The following IL18R1 variants were observed in gnomAD, a reference collection of about 807,000 sequenced individuals.
IL18R1 encodes interleukin 18 receptor 1.
Under a neutral mutation model 48.5 loss-of-function variants are expected in IL18R1, and 40 were observed. The ratio of observed to expected loss-of-function variants is 0.82; its 90% CI spans 0.64 to 1.07. The LOEUF is 1.07. Among genes scored for constraint, IL18R1 ranks in the 50% least tolerant of loss-of-function variants. The pLI is 0.00. For missense variants in IL18R1, 596 were observed against 633.7 expected (o/e 0.94, Z 0.64); for synonymous variants, 232 against 225.9 (o/e 1.03, Z -0.24).
chr2:102,367,306 T>G (rs1308434242), intron 2 of IL18R1, among the ~76,000 whole-genome samples: 2 of 152,188 alleles, frequency 1.3e-5, no homozygotes, highest in African/African-American at 4.8e-5. Flanking sequence ...TAGGCACACT[T>G]TTAACCATCC....
intron 2 of IL18R1, among the ~76,000 whole-genome samples, chr2:102,366,005 T>C (rs865863860): frequency 1.3e-5 from 2 of 152,354 alleles, no homozygotes; most frequent in South Asian, 4.1e-4. Flanking sequence ...TGGGAGGGTC[T>C]CTCATGAAGA....
intron 1 of IL18R1, among the ~76,000 whole-genome samples, chr2:102,360,876 C>G (rs1678536839): frequency 6.6e-6 from 1 of 152,112 alleles, no homozygotes. Context: ...ATCAGAATAT[C>G]TCTTTTTCTG....
chr2:102,356,425 C>G, intron 1 of IL18R1, 25 bp downstream of exon 1: 8 of 741,178 alleles, frequency 1.1e-5, no homozygotes, highest in Non-Finnish European at 1.3e-5. Flanking sequence ...CGCTGCCACC[C>G]GCATCCCCTC....
rs753402569 is a variant in IL18R1, at chr2:102,394,630, A to G, written c.1270+3A>G. Reference sequence around the variant, plus strand: ...AAGGGATGTAGTGCCTGGAGGAGGTAAGAGGGAATGCCAGATAGAAAAATA... The same window carrying G: ...AAGGGATGTAGTGCCTGGAGGAGGTGAGAGGGAATGCCAGATAGAAAAATA... On this transcript the variant is annotated splice_donor_region_variant and intron_variant, in intron 10 of 10. Transcript: ENST00000233957. The G allele has an allele frequency of 2.5e-6, 4 of 1,593,480 alleles. No homozygotes were observed. The highest frequency in any genetic ancestry group is 3.4e-6 in the Non-Finnish European group (4 of 1,166,532).
At chr2:102,359,242 A>C (rs1678437027) in intron 1 of IL18R1, among the ~76,000 whole-genome samples, 1 of 152,216 alleles carries the variant, frequency 6.6e-6, no homozygotes. Flanking sequence ...GTCAATCAAG[A>C]AAATTAATTG....
intron 9 of IL18R1, among the ~76,000 whole-genome samples, chr2:102,391,841 C>A (rs190138389): frequency 6.6e-6 from 1 of 152,322 alleles, no homozygotes; most frequent in Non-Finnish European, 1.5e-5. Context: ...GCATAAGGCT[C>A]AGCTGTATTT....
intron 8 of IL18R1, 117 bp downstream of exon 8, chr2:102,387,117 T>A: frequency 9.5e-7 from 1 of 1,050,796 alleles, no homozygotes; most frequent in East Asian, 2.4e-5. Flanking sequence ...AGAGGGGAAA[T>A]CAGTCACCTC....
intron 1 of IL18R1, among the ~76,000 whole-genome samples, chr2:102,357,156 C>T (rs1324827947): frequency 6.6e-6 from 1 of 152,050 alleles, no homozygotes; most frequent in African/African-American, 2.4e-5. Context: ...CAGTGTTTTC[C>T]CTCTCCCTGC....
intron 5 of IL18R1, among the ~76,000 whole-genome samples, chr2:102,379,934 C>T (rs776347337): frequency 3.9e-5 from 6 of 152,138 alleles, no homozygotes; most frequent in Admixed American, 6.6e-5. Context: ...CTTCCAATGT[C>T]GTTGAGTTTA....
At chr2:102,372,473 AT>A (rs1424784649) in intron 4 of IL18R1, among the ~76,000 whole-genome samples, 1 of 152,170 alleles carries the variant, frequency 6.6e-6, no homozygotes, top group Admixed American at 6.5e-5. Flanking sequence ...GTAAAACTCA[AT>A]TGTATATGTT....
At chr2:102,358,005 TAA>T (rs35998096) in intron 1 of IL18R1, among the ~76,000 whole-genome samples, 1 of 151,306 alleles carries the variant, frequency 6.6e-6, no homozygotes, top group African/African-American at 2.4e-5. Flanking sequence ...AAAATTATAT[TAA>T]AAAAAAACTG....
intron 2 of IL18R1, 101 bp from the exon 3 acceptor site, chr2:102,367,724 C>A: frequency 2.0e-6 from 2 of 976,260 alleles, no homozygotes; most frequent in Non-Finnish European, 3.0e-6. Context: ...GACTTTCTTG[C>A]TAACCTTGCT....
rs1258659170 is a variant in IL18R1 at position 102,386,865 on chromosome 2, C to T, written c.814C>T (p.Pro272Ser). 3.7e-6 allele frequency: 6 copies of T among 1,614,018 alleles called. No individual in the cohort carries two copies. Among genetic ancestry groups the T allele is most frequent in the Non-Finnish European group, 5.1e-6 (6 of 1,179,972 alleles). Residue 272 changes from proline to serine, a missense_variant, in exon 8 of 11, where the codon CCA (proline) becomes TCA (serine). Around this residue, in one of 3 missense-constraint regions of IL18R1, gnomAD observed 360 missense variants for 339.4 expected, o/e 1.06. Coordinates refer to ENST00000233957, the MANE Select transcript of IL18R1 (RefSeq NM_003855.5). ...AATTATTTTGCCCTCTTACAGGACT[C>T]CAGAAGGCAAATGGCATGCTTCAAA... ...HEEKEMRIMT[P>S]EGKWHASKVL...
At chr2:102,363,863 G>A (rs970947427) in intron 2 of IL18R1, among the ~76,000 whole-genome samples, 4 of 152,210 alleles carry the variant, frequency 2.6e-5, no homozygotes, top group Non-Finnish European at 5.9e-5. Context: ...TTATTCCAAA[G>A]GGCATTGGTT....
At chr2:102,380,083 T>A (rs900446560) in intron 5 of IL18R1, among the ~76,000 whole-genome samples, 1 of 152,236 alleles carries the variant, frequency 6.6e-6, no homozygotes, top group East Asian at 1.9e-4. Flanking sequence ...TCTTATGCTC[T>A]GGCTGATCGG....
chr2:102,377,031 T>C (rs1679629448), intron 5 of IL18R1, among the ~76,000 whole-genome samples: 1 of 152,236 alleles, frequency 6.6e-6, no homozygotes, highest in Admixed American at 6.5e-5. Context: ...TGAAGACAGG[T>C]TGCTTATCCA....
chr2:102,358,043 T>C (rs1046285641), intron 1 of IL18R1, among the ~76,000 whole-genome samples: 1 of 152,310 alleles, frequency 6.6e-6, no homozygotes, highest in African/African-American at 2.4e-5. Context: ...TCCAGGCATT[T>C]TGTCTCAGGA....
intron 3 of IL18R1, among the ~76,000 whole-genome samples, chr2:102,370,351 A>G (rs1207215047): frequency 3.9e-5 from 6 of 152,218 alleles, no homozygotes; most frequent in Admixed American, 3.9e-4. Context: ...CTTTTAAGCA[A>G]CAAGTCATAG....
intron 5 of IL18R1, 113 bp from the exon 6 acceptor site, chr2:102,381,507 C>T: frequency 2.6e-6 from 2 of 769,240 alleles, no homozygotes; most frequent in South Asian, 1.5e-5. Flanking sequence ...TGAACGTAAA[C>T]CAGTAACTAT....
Sources: gnomAD v4.1 joint callset for allele counts (sites outside exome capture counted in the v4.1 genomes callset) on GRCh38, gnomAD v4.1.1 for gene constraint, gnomAD v4.1.1 regional missense constraint, MANE v1.5 for transcripts, NCBI Gene and HGNC (gene_info 2026-07-23, HGNC 2026-07-21) for gene names.